DOK7: variants seen among roughly 807,000 people sequenced by gnomAD.
DOK7 encodes the protein docking protein 7, also known as protein Dok-7.
A neutral mutation model predicts 30.7 loss-of-function variants in DOK7; 32 were observed. The observed-to-expected ratio is 1.04, with a 90% CI of 0.79 to 1.40. The LOEUF is 1.40. Among genes scored for constraint, DOK7 ranks in the 40% most tolerant of loss-of-function variants. The pLI, the probability that DOK7 is intolerant of heterozygous loss-of-function variation, is 0.00. For missense variants in DOK7, 1,007 were observed against 699.2 expected (o/e 1.44, Z -4.97); for synonymous variants, 447 against 324.1 (o/e 1.38, Z -4.07).
chr4:3,487,320 CTG>C (rs1727874675), intron 5 of DOK7, among the ~76,000 whole-genome samples: 1 of 152,354 alleles, frequency 6.6e-6, no homozygotes, highest in South Asian at 2.1e-4. Context: ...AGGGTCTGGG[CTG>C]ATGGGTTCGT....
chr4:3,498,167 C>T (rs377038720), downstream of DOK7, among the ~76,000 whole-genome samples: 135 of 152,266 alleles, frequency 8.9e-4, 1 homozygote, highest in African/African-American at 3.1e-3. Context: ...AGCCGATTCC[C>T]GGTTGCTGCT....
downstream of DOK7, chr4:3,494,539 T>TG (rs781228956): frequency 4.1e-6 from 4 of 984,966 alleles, no homozygotes; most frequent in African/African-American, 3.5e-5. Context: ...ACCCTCCACG[T>TG]GGGGCCTCTG....
intron 2 of DOK7, among the ~76,000 whole-genome samples, chr4:3,468,784 G>A (rs1726527499): frequency 7.0e-6 from 1 of 142,572 alleles, no homozygotes; most frequent in African/African-American, 2.9e-5. Flanking sequence ...ATGTGTGCCT[G>A]TGATCATGTA....
At chr4:3,494,933 C>T (rs138937877), downstream of DOK7, among the ~76,000 whole-genome samples, 411 of 152,138 alleles carry the variant, frequency 2.7e-3, 1 homozygote, top group African/African-American at 9.6e-3. Flanking sequence ...CCTCACCCGC[C>T]ACCCTGTTGT....
At chr4:3,500,858 G>A (rs555010791) in exon 8 of DOK7, 5 of 1,506,416 alleles carry the variant, frequency 3.3e-6, no homozygotes, top group Admixed American at 2.1e-5. Context: ...CGCAAACCCG[G>A]TGCGCTGTGC....
downstream of DOK7, among the ~76,000 whole-genome samples, chr4:3,497,258 G>A (rs1728961183): frequency 1.3e-5 from 2 of 152,090 alleles, no homozygotes; most frequent in African/African-American, 4.8e-5. Context: ...GGCAGTCAGG[G>A]TTGGGGTCCA....
intron 6 of DOK7, chr4:3,500,168 G>A (rs1729120574): frequency 1.4e-6 from 2 of 1,466,818 alleles, no homozygotes; most frequent in African/African-American, 2.8e-5. Flanking sequence ...GCTAGGCAGG[G>A]TGGGCAGCTC....
chr4:3,472,266 G>C (rs538492055), intron 2 of DOK7, among the ~76,000 whole-genome samples: 1 of 152,256 alleles, frequency 6.6e-6, no homozygotes, highest in African/African-American at 2.4e-5. Flanking sequence ...TTGGGATTTT[G>C]GTTCTCACGT....
At position 3,493,158 on chromosome 4, in the gene DOK7, G is replaced by A. The variant is rs753513427; in HGVS notation, c.1172G>A (p.Gly391Glu). Residue 391 changes from glycine (G) to glutamate (E), a missense_variant, in exon 7 of 7, where the codon GGG (glycine) becomes GAG (glutamate). Coordinates refer to ENST00000340083, the MANE Select transcript of DOK7 (RefSeq NM_173660.5). ...PEPSLCTCLP[G>E]TVEYQVPTSL... is the part of the protein sequence containing the mutation. ...CCCAGCCTGTGCACCTGCCTGCCCG[G>A]GACAGTCGAGTACCAGGTGCCCACC... The A allele has an allele frequency of 2.5e-6, 4 of 1,606,070 alleles. No individual in the cohort carries two copies. In the African/African-American group the frequency reaches 4.0e-5, roughly 16 times the overall value.
intron 5 of DOK7, among the ~76,000 whole-genome samples, chr4:3,487,323 ATGGGTTCGTCTGCCTGTGCTGGCAG>A (rs1727874985): frequency 6.6e-6 from 1 of 152,294 alleles, no homozygotes; most frequent in South Asian, 2.1e-4. Context: ...GTCTGGGCTG[ATGGGTTCGTCTGCCTGTGCTGGCAG>A]CACACTGGAG....
Position 3,473,468 on chromosome 4 carries a change from A to G in DOK7, c.163A>G (p.Ser55Gly), listed in dbSNP as rs550137245. Residue 55 changes from serine to glycine, a missense_variant, in exon 3 of 7, where the codon AGC becomes GGC. Ser to Gly is a moderately conservative substitution (Grantham distance 56, BLOSUM62 0). Coordinates refer to ENST00000340083, the MANE Select transcript of DOK7 (RefSeq NM_173660.5). ...SERIKGLRER[S>G]SLTLEDICGL... is the part of the protein sequence containing the mutation. ...GCGTATCAAGGGCCTGCGGGAGCGCAGCAGCCTGACGCTAGAGGACATCTG... is the reference window on the plus strand; with the variant it reads ...GCGTATCAAGGGCCTGCGGGAGCGCGGCAGCCTGACGCTAGAGGACATCTG... 294 of 1,611,136 alleles carry G rather than the reference A, an allele frequency of 1.8e-4. 1 individual carries two copies. The South Asian group carries it at 3.0e-3, about 17-fold the overall frequency.
chr4:3,486,217 C>G lies in DOK7; in HGVS notation c.652+559C>G, dbSNP rs552287765. On this transcript the variant is annotated intron_variant, in intron 5 of 6. Transcript: ENST00000340083. The stretch of plus-strand genomic sequence containing the variant: ...TCCTTGGCTGTGGCTGCGGCACTCT[C>G]TGCAGGAGTCCTTGGCCAGGGATGT... Among the ~76,000 whole-genome samples, 53 of 152,344 alleles carry G rather than the reference C, an allele frequency of 3.5e-4. No homozygotes were observed. In the East Asian group the frequency reaches 9.8e-3, roughly 28 times the overall value.
At chr4:3,490,641 G>GTTCATTCCTTCCCTCTCCCCCTGCTCT (rs1728286251) in intron 6 of DOK7, among the ~76,000 whole-genome samples, 1 of 18,050 alleles carries the variant, frequency 5.5e-5, no homozygotes, top group African/African-American at 4.4e-4. Context: ...CCGCCTGCTC[G>GTTCATTCCTTCCCTCTCCCCCTGCTCT]TTCATTTCCC....
chr4:3,493,594 C>G lies in DOK7; in HGVS notation c.*93C>G, dbSNP rs749233543. 3 of 1,540,604 alleles carry G rather than the reference C, an allele frequency of 1.9e-6. No homozygotes were observed. The highest frequency in any genetic ancestry group is 2.6e-6 in the Non-Finnish European group (3 of 1,141,996). ...GCCAGCCTCCTTGCAGACTGGTGCT[C>G]TGTGTTCTGTGGGAGGGACCGGGGG... On this transcript the variant is annotated 3_prime_UTR_variant, in exon 7 of 7. Coordinates refer to ENST00000340083, the MANE Select transcript of DOK7 (RefSeq NM_173660.5).
rs1210741981 is a variant in DOK7 at position 3,500,471 on chromosome 4, C to A, written c.1261+68C>A. ...GGGACCACAGCCTCAGGGCCCTGAG[C>A]CCCCAGCCCCACCCAGCAGCCCTTG... On this transcript the variant is annotated intron_variant, in intron 7 of 7. Transcript: ENST00000643608. The A allele has an allele frequency of 3.3e-6, 5 of 1,514,080 alleles. No homozygotes were observed. The African/African-American group carries it at 4.1e-5, about 13-fold the overall frequency. 93.8% of individuals were successfully genotyped at this position (1,514,080 alleles called of 1,614,324 possible). A position where few individuals can be genotyped will look rare whatever the true frequency, so the allele number is the denominator to read the frequency against.
At chr4:3,490,501 CCCTGCTCAT>C (rs1160988226) in intron 6 of DOK7, among the ~76,000 whole-genome samples, 476 of 126,828 alleles carry the variant, frequency 3.8e-3, no homozygotes, top group African/African-American at 8.3e-3. Flanking sequence ...TTCCTTTTCC[CCCTGCTCAT>C]TCTTTCCTTC....
rs1577185520 is a variant in DOK7 at position 3,493,820 on chromosome 4, T to C, written c.*319T>C. On this transcript the variant is annotated 3_prime_UTR_variant, in exon 7 of 7. Transcript: ENST00000340083. ...TGCTGCACCTCTGTTGGCTCGTGCC[T>C]TGCACTGGGGTGCCAAGGGCTGGAG... is the stretch of plus-strand genomic sequence containing the variant. The C allele has an allele frequency of 8.0e-7, 1 of 1,247,080 alleles. No homozygotes were observed. The highest frequency in any genetic ancestry group is 1.0e-6 in the Non-Finnish European group (1 of 993,060). 77.3% of individuals were successfully genotyped at this position (1,247,080 alleles called of 1,614,324 possible).
intron 4 of DOK7, among the ~76,000 whole-genome samples, chr4:3,476,915 C>T (rs767137740): frequency 3.3e-5 from 5 of 152,246 alleles, no homozygotes; most frequent in South Asian, 4.1e-4. Context: ...GCATAAGCAC[C>T]GCAGAAACAT....
chr4:3,467,837 G>A (rs1726396925), intron 2 of DOK7, among the ~76,000 whole-genome samples: 1 of 152,164 alleles, frequency 6.6e-6, no homozygotes, highest in South Asian at 2.1e-4. Flanking sequence ...TGTCTCGTGA[G>A]GACCATGTCC....
Sources: allele counts gnomAD v4.1 joint callset (sites outside exome capture counted in the v4.1 genomes callset), GRCh38; gene constraint gnomAD v4.1.1; transcripts MANE v1.5; gene names NCBI Gene and HGNC (gene_info 2026-07-23, HGNC 2026-07-21).